Variants in DLGAP2 observed in about 807,000 individuals in gnomAD.
The protein encoded by DLGAP2 is DLG associated protein 2.
A neutral mutation model predicts 100.3 loss-of-function variants in DLGAP2; 26 were observed. That is an observed-to-expected ratio of 0.26 (90% CI 0.19 to 0.36). DLGAP2 has a LOEUF of 0.36. Among genes scored for constraint, DLGAP2 ranks in the 10% least tolerant of loss-of-function variants. The pLI is 1.00. For synonymous variants in DLGAP2, 886 were observed against 630.1 expected (o/e 1.41, Z -6.08); for missense variants, 1,858 against 1,453.2 (o/e 1.28, Z -4.53).
chr8:1,057,795 A>AGG (rs1283095917), intron 2 of DLGAP2, among the ~76,000 whole-genome samples: 1 of 152,206 alleles, frequency 6.6e-6, no homozygotes, highest in Non-Finnish European at 1.5e-5. Flanking sequence ...AAAGGGAGAT[A>AGG]ATCTTTAGTT....
chr8:902,039 T>A (rs1798262242), intron 1 of DLGAP2, among the ~76,000 whole-genome samples: 1 of 152,086 alleles, frequency 6.6e-6, no homozygotes, highest in Non-Finnish European at 1.5e-5. Context: ...TTCCAAGCCA[T>A]GGTCATCGGA....
chr8:1,516,541 G>C (rs1276746448), intron 4 of DLGAP2, among the ~76,000 whole-genome samples: 2 of 151,842 alleles, frequency 1.3e-5, no homozygotes, highest in Non-Finnish European at 2.9e-5. Flanking sequence ...GTGAGTGAGT[G>C]CATGAATGAG....
At chr8:1,511,920 G>A (rs913623033) in intron 4 of DLGAP2, among the ~76,000 whole-genome samples, 1 of 152,258 alleles carries the variant, frequency 6.6e-6, no homozygotes, top group East Asian at 1.9e-4. Flanking sequence ...TCTTATCAGA[G>A]CCTGACAAAA....
At chr8:1,143,030 A>T (rs1174664010) in intron 2 of DLGAP2, among the ~76,000 whole-genome samples, 1 of 152,200 alleles carries the variant, frequency 6.6e-6, no homozygotes, top group Non-Finnish European at 1.5e-5. Flanking sequence ...CTGGCAGGAC[A>T]GCATCCCCTC....
At chr8:1,186,061 G>C (rs1797496926) in intron 2 of DLGAP2, among the ~76,000 whole-genome samples, 1 of 152,178 alleles carries the variant, frequency 6.6e-6, no homozygotes. Context: ...GGGCTCTGGA[G>C]ACAGCCCCAG....
intron 4 of DLGAP2, among the ~76,000 whole-genome samples, chr8:1,530,606 A>G (rs1345797519): frequency 6.6e-6 from 1 of 152,214 alleles, no homozygotes; most frequent in Non-Finnish European, 1.5e-5. Context: ...TGGGGAAGTG[A>G]TAAGTGTCCA....
At chr8:1,352,929 A>G (rs560578205) in intron 3 of DLGAP2, among the ~76,000 whole-genome samples, 2 of 152,320 alleles carry the variant, frequency 1.3e-5, no homozygotes, top group African/African-American at 4.8e-5. Flanking sequence ...TCAGCCTGCC[A>G]TTGGGGTGCT....
intron 2 of DLGAP2, among the ~76,000 whole-genome samples, chr8:918,096 G>C (rs536648253): frequency 1.8e-4 from 28 of 152,286 alleles, no homozygotes; most frequent in African/African-American, 6.7e-4. Context: ...TAAAATCTAA[G>C]TGAATTTACC....
chr8:1,489,381 C>G (rs980227133), intron 3 of DLGAP2, among the ~76,000 whole-genome samples: 5 of 152,164 alleles, frequency 3.3e-5, no homozygotes, highest in Non-Finnish European at 5.9e-5. Context: ...CTGTGGGTGT[C>G]TTTCTAGATC....
At chr8:966,443 GT>G (rs1799873106) in intron 2 of DLGAP2, among the ~76,000 whole-genome samples, 1 of 152,178 alleles carries the variant, frequency 6.6e-6, no homozygotes, top group Admixed American at 6.5e-5. Context: ...AAGTTTTAGG[GT>G]GAATCAAACA....
At chr8:986,692 C>G (rs539805572) in intron 2 of DLGAP2, among the ~76,000 whole-genome samples, 1 of 150,522 alleles carries the variant, frequency 6.6e-6, no homozygotes, top group South Asian at 2.1e-4. Flanking sequence ...CAGAGTCTCA[C>G]TCTGTTGCCT....
chr8:1,282,454 C>G (rs1466618635), intron 3 of DLGAP2, among the ~76,000 whole-genome samples: 10 of 122,006 alleles, frequency 8.2e-5, no homozygotes, highest in African/African-American at 2.6e-4. Context: ...CTGAACCCAG[C>G]ACATGAACCA....
intron 1 of DLGAP2, among the ~76,000 whole-genome samples, chr8:749,312 C>G (rs1820732270): frequency 6.6e-6 from 1 of 152,182 alleles, no homozygotes; most frequent in African/African-American, 2.4e-5. Flanking sequence ...TATTTCTGGT[C>G]TTTTTATCTG....
intron 3 of DLGAP2, among the ~76,000 whole-genome samples, chr8:1,366,823 G>T (rs1238554572): frequency 6.6e-6 from 1 of 152,216 alleles, no homozygotes; most frequent in African/African-American, 2.4e-5. Context: ...AAGGGGGTCT[G>T]TGGTGAAGTG....
chr8:1,624,869 G>GTCTCTCTCTCTTTCTCTCTC (rs59084397), intron 6 of DLGAP2, among the ~76,000 whole-genome samples: 1 of 149,668 alleles, frequency 6.7e-6, no homozygotes, highest in African/African-American at 2.5e-5. Flanking sequence ...CTCTCTCTCT[G>GTCTCTCTCTCTTTCTCTCTC]TCTCTCTCTC....
intron 2 of DLGAP2, among the ~76,000 whole-genome samples, chr8:1,172,080 T>C (rs1272310848): frequency 6.6e-6 from 1 of 152,018 alleles, no homozygotes; most frequent in African/African-American, 2.4e-5. Context: ...GCAGGCCTGG[T>C]GGTGACAAAA....
chr8:1,586,090 G>A (rs918959669), intron 6 of DLGAP2, among the ~76,000 whole-genome samples: 1 of 152,206 alleles, frequency 6.6e-6, no homozygotes, highest in Non-Finnish European at 1.5e-5. Context: ...AAAACAGGGC[G>A]TTTATCCTCA....
At chr8:1,032,413 C>G (rs1349212525) in intron 2 of DLGAP2, among the ~76,000 whole-genome samples, 1 of 152,200 alleles carries the variant, frequency 6.6e-6, no homozygotes, top group African/African-American at 2.4e-5. Flanking sequence ...CCATCTTGAG[C>G]CAGCGCACGA....
chr8:1,117,487 G>A (rs976954520), intron 2 of DLGAP2, among the ~76,000 whole-genome samples: 2 of 152,202 alleles, frequency 1.3e-5, no homozygotes, highest in African/African-American at 4.8e-5. Context: ...AGGACTGAGG[G>A]TGGGGTGGAC....
Sources: gnomAD v4.1 joint callset for allele counts (sites outside exome capture counted in the v4.1 genomes callset) on GRCh38, gnomAD v4.1.1 for gene constraint, MANE v1.5 for transcripts, NCBI Gene and HGNC (gene_info 2026-07-23, HGNC 2026-07-21) for gene names.